The following ATAD2B variants were observed in gnomAD, a reference collection of about 807,000 sequenced individuals.
The protein encoded by ATAD2B is ATPase family AAA domain containing 2B, also known as ATPase family AAA domain-containing protein 2B.
ATAD2B carries 40 observed loss-of-function variants against 167.6 expected under a neutral mutation model. The observed-to-expected ratio is 0.24, with a 90% CI of 0.19 to 0.31. ATAD2B has a LOEUF of 0.31. ATAD2B is among the 10% of genes least tolerant of loss of function. The pLI, the probability that ATAD2B is intolerant of heterozygous loss-of-function variation, is 1.00. For synonymous variants in ATAD2B, 579 were observed against 596.5 expected (o/e 0.97, Z 0.43); for missense variants, 1,242 against 1,757.2 (o/e 0.71, Z 5.24).
intron 19 of ATAD2B, among the ~76,000 whole-genome samples, chr2:23,789,356 T>C (rs1681307089): frequency 6.6e-6 from 1 of 152,162 alleles, no homozygotes; most frequent in South Asian, 2.1e-4. Flanking sequence ...ACACTGTATT[T>C]AATTTTTATG....
At chr2:23,785,941 CT>C in intron 21 of ATAD2B, 85 bp downstream of exon 21, 19 of 1,265,756 alleles carry the variant, frequency 1.5e-5, no homozygotes, top group Admixed American at 2.9e-5. Flanking sequence ...CATGCCTTTG[CT>C]TTTTTTTCCT....
At chr2:23,794,264 C>T (rs1184212284) in intron 19 of ATAD2B, among the ~76,000 whole-genome samples, 1 of 152,242 alleles carries the variant, frequency 6.6e-6, no homozygotes, top group African/African-American at 2.4e-5. Context: ...CTTGCCTCAG[C>T]CTTTCAAAGT....
chr2:23,795,084 C>T (rs1266027149), intron 19 of ATAD2B, among the ~76,000 whole-genome samples: 1 of 152,072 alleles, frequency 6.6e-6, no homozygotes, highest in African/African-American at 2.4e-5. Flanking sequence ...AACTTCCTTT[C>T]TCCTTCCTCT....
chr2:23,878,280 G>C (rs552009808), intron 7 of ATAD2B, among the ~76,000 whole-genome samples: 31 of 152,050 alleles, frequency 2.0e-4, no homozygotes, highest in South Asian at 1.2e-3. Context: ...AGAATCGCTT[G>C]AACCCAGGAG....
intron 24 of ATAD2B, among the ~76,000 whole-genome samples, chr2:23,759,295 G>C (rs1676353745): frequency 2.0e-5 from 3 of 152,118 alleles, no homozygotes; most frequent in East Asian, 1.9e-4. Flanking sequence ...AAAGCTTCCT[G>C]GGCAAAGATA....
intron 18 of ATAD2B, among the ~76,000 whole-genome samples, chr2:23,805,999 C>T (rs1336402332): frequency 1.3e-5 from 2 of 152,088 alleles, no homozygotes; most frequent in Admixed American, 1.3e-4. Flanking sequence ...AACATATCTG[C>T]TACAAATATA....
chr2:23,887,815 A>C lies in ATAD2B; in HGVS notation c.572+17T>G. ...CCAAATAATTAAATGAAACTGCTTA[A>C]TACTTGGCATTCATACCTATTTACT... On this transcript the variant is annotated intron_variant, in intron 4 of 27. Transcript: ENST00000238789. 2 of 1,562,064 alleles carry C rather than the reference A, an allele frequency of 1.3e-6. No homozygotes were observed. The highest frequency in any genetic ancestry group is 2.4e-5 in the South Asian group (2 of 82,434).
At chr2:23,862,796 T>C (rs1015496265) in intron 12 of ATAD2B, among the ~76,000 whole-genome samples, 4 of 152,190 alleles carry the variant, frequency 2.6e-5, no homozygotes, top group African/African-American at 9.6e-5. Context: ...CCTGTTGTAG[T>C]TCCCCAATGG....
chr2:23,845,848 G>A (rs929365583), intron 13 of ATAD2B, among the ~76,000 whole-genome samples: 4 of 145,034 alleles, frequency 2.8e-5, no homozygotes, highest in Non-Finnish European at 4.5e-5. Flanking sequence ...TCAAAGTGCT[G>A]GAATTACAAG....
At chr2:23,691,540 G>C in the ATAD2B span, 2 of 670,946 alleles carry the variant, frequency 3.0e-6, no homozygotes, top group South Asian at 1.8e-5. Context: ...TTAGGTTCAG[G>C]TGTGTCATTG....
chr2:23,872,917 G>A (rs918201519), intron 8 of ATAD2B: 11 of 769,454 alleles, frequency 1.4e-5, no homozygotes, highest in South Asian at 5.4e-5. Context: ...CTTATGGCCC[G>A]CCGGGCTCAC....
intron 24 of ATAD2B, among the ~76,000 whole-genome samples, chr2:23,758,507 G>A (rs1040106544): frequency 1.3e-5 from 2 of 152,214 alleles, no homozygotes; most frequent in African/African-American, 2.4e-5. Context: ...GAAGGTGGAT[G>A]TTTTACTAGC....
intron 22 of ATAD2B, among the ~76,000 whole-genome samples, chr2:23,775,254 C>G (rs1364228096): frequency 7.1e-6 from 1 of 141,546 alleles, no homozygotes; most frequent in Non-Finnish European, 1.5e-5. Context: ...CTTGCTCTGT[C>G]TCCAGGCTGG....
chr2:23,840,083 G>A (rs958443710), intron 13 of ATAD2B, among the ~76,000 whole-genome samples: 7 of 152,140 alleles, frequency 4.6e-5, no homozygotes, highest in African/African-American at 1.7e-4. Context: ...TAATTGCTAA[G>A]TAATATTCCA....
chr2:23,754,597 C>T, intron 26 of ATAD2B, 50 bp downstream of exon 26: 1 of 1,589,468 alleles, frequency 6.3e-7, no homozygotes, highest in Non-Finnish European at 8.6e-7. Flanking sequence ...CAAACACATT[C>T]AAATCTCCGT....
intron 4 of ATAD2B, among the ~76,000 whole-genome samples, chr2:23,886,291 G>T (rs983076928): frequency 2.0e-5 from 3 of 151,876 alleles, no homozygotes; most frequent in African/African-American, 7.3e-5. Context: ...AGAATACAGT[G>T]CCCAATAAGA....
In ATAD2B at chr2:23,788,543, T is replaced by C. The variant is rs777456291; in HGVS notation, c.2745A>G (p.Ala915=). 22 of 1,613,420 alleles carry C rather than the reference T, an allele frequency of 1.4e-5. No homozygotes were observed. The Admixed American group carries it at 3.7e-4, about 27-fold the overall frequency. ...KFFQELILNQ[A]SMAPPRRKHA... is the part of the protein sequence containing the mutation. ...GTTTCCTTCGTGGTGGAGCCATTGA[T>C]GCCTGATTGAGAATCAATTCTTGAA... is the stretch of plus-strand genomic sequence containing the variant. Residue 915 remains alanine (A), a synonymous_variant, in exon 20 of 28, where the codon GCA becomes GCG. Transcript: ENST00000238789.
intron 25 of ATAD2B, 89 bp from the exon 26 acceptor site, chr2:23,754,863 C>T (rs779447888): frequency 7.5e-6 from 10 of 1,334,280 alleles, no homozygotes; most frequent in Non-Finnish European, 1.0e-5. Flanking sequence ...ACCTACCACA[C>T]AAATCCCTTT....
chr2:23,725,690 T>A, the ATAD2B span, among the ~76,000 whole-genome samples: 1 of 152,066 alleles, frequency 6.6e-6, no homozygotes, highest in Non-Finnish European at 1.5e-5. Context: ...AAACTTTAAA[T>A]AATCCGAAAG....
Sources: gnomAD v4.1 joint callset for allele counts (sites outside exome capture counted in the v4.1 genomes callset) on GRCh38, gnomAD v4.1.1 for gene constraint, MANE v1.5 for transcripts, NCBI Gene and HGNC (gene_info 2026-07-23, HGNC 2026-07-21) for gene names.